The following DRP2 variants were observed in gnomAD, a reference collection of about 807,000 sequenced individuals.
DRP2 encodes dystrophin-related protein 2.
A neutral mutation model predicts 78.2 loss-of-function variants in DRP2; 29 were observed. That is an observed-to-expected ratio of 0.37 (90% CI 0.28 to 0.51). The LOEUF (loss-of-function observed/expected upper bound fraction) is 0.51, where lower values mean the gene tolerates loss of function less well. Among genes scored for constraint, DRP2 ranks in the 20% least tolerant of loss-of-function variants. The pLI, the probability that DRP2 is intolerant of heterozygous loss-of-function variation, is 0.94. For synonymous variants in DRP2, 290 were observed against 281.9 expected, an observed-to-expected ratio of 1.03 and a Z score of -0.29; for missense variants, 686 against 770.6, an observed-to-expected ratio of 0.89 and a Z score of 1.30.
chrX:101,221,377 G>A (rs1181498450), intron 1 of DRP2, among the ~76,000 whole-genome samples: 1 of 112,239 alleles, frequency 8.9e-6, no homozygotes, highest in Non-Finnish European at 1.9e-5. Context: ...TCTAAGGTTT[G>A]CGTGGGGAGA....
intron 21 of DRP2, among the ~76,000 whole-genome samples, chrX:101,257,429 TAAAAAAA>T (rs57717609): frequency 9.7e-5 from 5 of 51,440 alleles, no homozygotes; most frequent in East Asian, 6.9e-4. Context: ...CAAGGCAAGA[TAAAAAAA>T]AAAAAAAAAA....
Position 101,231,714 on chromosome X carries a change from G to C in DRP2, c.67G>C (p.Asp23His). The change falls in exon 3 of 24, where the codon GAC becomes CAC. Residue 23 changes from aspartate to histidine, a missense_variant. Physicochemically the swap from Asp to His is moderately conservative, Grantham distance 81. Coordinates refer to ENST00000395209, the MANE Select transcript of DRP2 (RefSeq NM_001939.3). The part of the protein sequence containing the change: ...LPRCHDWQAA[D>H]QFHHSSSLRS... ...ACGATGTCATGACTGGCAGGCAGCTGACCAGTTCCATCATAGCAGCAGCCT... is the reference window on the plus strand; with the variant it reads ...ACGATGTCATGACTGGCAGGCAGCTCACCAGTTCCATCATAGCAGCAGCCT... The C allele has an allele frequency of 1.7e-6, 2 of 1,211,394 alleles. No individual in the cohort carries two copies. The highest frequency in any genetic ancestry group is 3.5e-5 in the South Asian group (2 of 56,925).
chrX:101,227,893 A>C lies in DRP2; in HGVS notation c.-64+3187A>C, dbSNP rs145303208. Among the ~76,000 whole-genome samples the C allele has an allele frequency of 5.6e-3, 633 of 112,421 alleles. 4 individuals carry two copies. The highest frequency in any genetic ancestry group is 0.02 in the African/African-American group (615 of 30,995). ...CAGTAGAGGAATAAGAAAGAATCTT[A>C]TAATCTGGAGAGAAATGAATCTCAA... is the stretch of plus-strand genomic sequence containing the variant. On this transcript the variant is annotated intron_variant, in intron 2 of 23. Transcript: ENST00000395209.
At position 101,258,329 on chromosome X, in the gene DRP2, G is replaced by C. The variant is rs2091206724; in HGVS notation, c.2411G>C (p.Arg804Thr). 1.4e-5 allele frequency: 16 copies of C among 1,179,395 alleles called. No individual in the cohort carries two copies. Among genetic ancestry groups the C allele is most frequent in the Non-Finnish European group, 1.6e-5 (14 of 879,583 alleles). ...GGCAGGATTCTCCAGGGAGAGCTGA[G>C]GCGCCTGAAGTGGCAGCATGAGGAG... is the stretch of plus-strand genomic sequence containing the variant. ...DENRILQGEL[R>T]RLKWQHEEAA... The change falls in exon 22 of 24, where the codon AGG (arginine) becomes ACG (threonine). Residue 804 changes from arginine to threonine, a missense_variant. This residue lies in a region of DRP2 where 423 missense variants were observed against 531.5 expected (regional missense o/e 0.80). Transcript: ENST00000395209.
Position 101,242,369 on chromosome X carries a change from G to C in DRP2, c.873G>C (p.Leu291Phe). 1 of 1,211,692 alleles carries C rather than the reference G, an allele frequency of 8.3e-7. No homozygotes were observed. Among genetic ancestry groups the C allele is most frequent in the East Asian group, 3.0e-5 (1 of 33,823 alleles). The change falls in exon 8 of 24, where the codon TTG becomes TTC. Residue 291 changes from leucine (L) to phenylalanine (F), a missense_variant. This residue lies in a region of DRP2 where 263 missense variants were observed against 239.1 expected (regional missense o/e 1.10). Coordinates refer to ENST00000395209, the MANE Select transcript of DRP2 (RefSeq NM_001939.3). ...EFSPMKDGVK[L>F]VNDLAHQLAI... ...CCCCCATGAAAGATGGAGTAAAGTT[G>C]GTGAATGATCTGGCCCACCAACTTG...
At chrX:101,252,832 A>G in intron 17 of DRP2, 116 bp downstream of exon 17, 1 of 533,409 alleles carries the variant, frequency 1.9e-6, no homozygotes, top group Non-Finnish European at 3.0e-6. Context: ...AGCATTCTCC[A>G]AGGAGCTCTG....
intron 5 of DRP2, among the ~76,000 whole-genome samples, chrX:101,238,323 C>T (rs906492327): frequency 9.0e-6 from 1 of 111,461 alleles, no homozygotes; most frequent in Admixed American, 9.6e-5. Context: ...ACTATAACCA[C>T]GTGCCACAGC....
chrX:101,256,230 A>G lies in DRP2; in HGVS notation c.2359A>G (p.Lys787Glu). 1.7e-6 allele frequency: 2 copies of G among 1,203,077 alleles called. No individual in the cohort carries two copies. The highest frequency in any genetic ancestry group is 2.2e-6 in the Non-Finnish European group (2 of 891,912). The change falls in exon 21 of 24, where the codon AAG (lysine) becomes GAG (glutamate). Residue 787 changes from lysine (K) to glutamate (E), a missense_variant. By Grantham distance (56) the Lys-to-Glu change is moderately conservative. Coordinates refer to ENST00000395209, the MANE Select transcript of DRP2 (RefSeq NM_001939.3). ...CACAGAAAGCAAAGGGGAGCTACAG[A>G]AGATCCTGGCCCACTTGGAAGATGA... The part of the protein sequence containing the change: ...VATESKGELQ[K>E]ILAHLEDENR...
At chrX:101,246,231 C>A (rs748986206) in intron 11 of DRP2, among the ~76,000 whole-genome samples, 1 of 112,179 alleles carries the variant, frequency 8.9e-6, no homozygotes, top group African/African-American at 3.2e-5. Flanking sequence ...CCCTCTGGAC[C>A]ATTTTATCAC....
At chrX:101,244,695 G>A (rs1922863034) in intron 9 of DRP2, among the ~76,000 whole-genome samples, 1 of 112,701 alleles carries the variant, frequency 8.9e-6, no homozygotes, top group African/African-American at 3.2e-5. Flanking sequence ...CAGCTGATGG[G>A]TAGAAATGGC....
At chrX:101,223,677 C>T (rs1260919807) in intron 1 of DRP2, among the ~76,000 whole-genome samples, 1 of 112,393 alleles carries the variant, frequency 8.9e-6, no homozygotes, top group Non-Finnish European at 1.9e-5. Context: ...TTAATTGGCT[C>T]TTAGAGTTTT....
chrX:101,231,674 C>G lies in DRP2; in HGVS notation c.27C>G (p.Cys9Trp). ...TGCAACCTATGGTCATGCAGGGATG[C>G]CCTTACACCCTCCCACGATGTCATG... MQPMVMQG[C>W]PYTLPRCHDW... The change falls in exon 3 of 24, where the codon TGC becomes TGG. Residue 9 changes from cysteine to tryptophan, a missense_variant. Cys to Trp is a radical substitution (Grantham distance 215). Transcript: ENST00000395209. 3 of 1,210,903 alleles carry G rather than the reference C, an allele frequency of 2.5e-6. No homozygotes were observed. The highest frequency in any genetic ancestry group is 3.4e-6 in the Non-Finnish European group (3 of 894,884).
intron 2 of DRP2, among the ~76,000 whole-genome samples, chrX:101,229,280 A>G (rs999549571): frequency 8.9e-6 from 1 of 112,053 alleles, no homozygotes; most frequent in Non-Finnish European, 1.9e-5. Context: ...TCATTTTTTA[A>G]TCTAAGTGAC....
intron 3 of DRP2, among the ~76,000 whole-genome samples, chrX:101,233,861 A>G (rs189251281): frequency 6.4e-4 from 72 of 111,659 alleles, no homozygotes; most frequent in Non-Finnish European, 1.2e-3. Flanking sequence ...CCCACTAACT[A>G]TCCATTTCCC....
intron 3 of DRP2, among the ~76,000 whole-genome samples, chrX:101,232,062 A>G (rs1374985222): frequency 1.8e-5 from 2 of 110,747 alleles, no homozygotes; most frequent in Non-Finnish European, 3.8e-5. Context: ...CTAGAAGAGT[A>G]TGATCCTTCA....
At chrX:101,255,337 A>G in intron 20 of DRP2, 88 bp downstream of exon 20, 1 of 958,463 alleles carries the variant, frequency 1.0e-6, no homozygotes, top group Non-Finnish European at 1.5e-6. Flanking sequence ...CCTCCAGGGA[A>G]TGGGGGTGTG....
chrX:101,257,429 T>TA (rs57717609), intron 21 of DRP2, among the ~76,000 whole-genome samples: 3,550 of 51,406 alleles, frequency 0.069, 155 homozygotes, highest in African/African-American at 0.14. Flanking sequence ...CAAGGCAAGA[T>TA]AAAAAAAAAA....
At chrX:101,239,734 C>T (rs1027734687) in intron 6 of DRP2, among the ~76,000 whole-genome samples, 2 of 111,870 alleles carry the variant, frequency 1.8e-5, no homozygotes, top group Admixed American at 1.9e-4. Context: ...CCTGCCACCA[C>T]GCCTGGCTAA....
rs1174296882 is a variant in DRP2, at chrX:101,260,128, C to T, written c.2708C>T (p.Pro903Leu). The change falls in exon 23 of 24, where the codon CCC (proline) becomes CTC (leucine). Residue 903 changes from proline (P) to leucine (L), a missense_variant. Pro to Leu is a moderately conservative substitution (Grantham distance 98). This residue lies in a region of DRP2 where 423 missense variants were observed against 531.5 expected (regional missense o/e 0.80). Transcript: ENST00000395209. Reference sequence around the variant, plus strand: ...CCACAGCAGTCAGAAGGCAGTCACCCCCGGGAGAAGGGACAGACTACTCCA... The same window carrying T: ...CCACAGCAGTCAGAAGGCAGTCACCTCCGGGAGAAGGGACAGACTACTCCA... ...SSPQQSEGSH[P>L]REKGQTTPDT... 1.7e-6 allele frequency: 2 copies of T among 1,211,345 alleles called. No individual in the cohort carries two copies. The highest frequency in any genetic ancestry group is 4.3e-5 in the Admixed American group (2 of 45,994).
Sources: gnomAD v4.1 joint callset for allele counts (sites outside exome capture counted in the v4.1 genomes callset) on GRCh38, gnomAD v4.1.1 for gene constraint, gnomAD v4.1.1 regional missense constraint, MANE v1.5 for transcripts, NCBI Gene and HGNC (gene_info 2026-07-23, HGNC 2026-07-21) for gene names.